MAGI1: variants seen among roughly 807,000 people sequenced by gnomAD.
MAGI1 encodes the protein membrane associated guanylate kinase, WW and PDZ domain containing 1, also known as membrane-associated guanylate kinase, WW and PDZ domain-containing protein 1.
A neutral mutation model predicts 139.9 loss-of-function variants in MAGI1; 58 were observed. That is an observed-to-expected ratio of 0.41 (90% CI 0.34 to 0.52). MAGI1 has a LOEUF of 0.52. MAGI1 is among the 20% of genes least tolerant of loss of function. MAGI1 has a pLI of 0.12. For missense variants in MAGI1, 1,874 were observed against 1,901.6 expected, an observed-to-expected ratio of 0.99 and a Z score of 0.27; for synonymous variants, 812 against 737.9, an observed-to-expected ratio of 1.10 and a Z score of -1.63.
chr3:65,920,664 A>C (rs1338061072), intron 1 of MAGI1, among the ~76,000 whole-genome samples: 4 of 152,240 alleles, frequency 2.6e-5, no homozygotes, highest in Admixed American at 6.5e-5. Flanking sequence ...TTTCAGAAGA[A>C]AATGAAAATT....
chr3:65,977,775 C>T (rs1402152428), intron 1 of MAGI1, among the ~76,000 whole-genome samples: 1 of 152,104 alleles, frequency 6.6e-6, no homozygotes, highest in African/African-American at 2.4e-5. Context: ...GCCCTACAGG[C>T]CTCCATCTCC....
intron 2 of MAGI1, among the ~76,000 whole-genome samples, chr3:65,494,517 G>A (rs1952280586): frequency 6.6e-6 from 1 of 152,128 alleles, no homozygotes; most frequent in Non-Finnish European, 1.5e-5. Flanking sequence ...TGTATTAGGA[G>A]CCTATGTTAA....
Position 65,429,934 on chromosome 3 carries a change from C to A in MAGI1, c.1753G>T (p.Gly585Trp). The A allele has an allele frequency of 2.5e-6, 4 of 1,613,998 alleles. No homozygotes were observed. The highest frequency in any genetic ancestry group is 3.4e-6 in the Non-Finnish European group (4 of 1,179,954). ...GCTGGTGAATCATAGGTCTCTTGCC[C>A]ATTCACAATAATTGGTTCTTTATCC... ...ILDKEPIIVN[G>W]QETYDSPASH... The change falls in exon 12 of 23, where the codon GGG (glycine) becomes TGG (tryptophan). Residue 585 changes from glycine to tryptophan, a missense_variant. Gly to Trp is a radical substitution (Grantham distance 184). This residue lies in a region of MAGI1 where 482 missense variants were observed against 509.6 expected (regional missense o/e 0.95). Coordinates refer to ENST00000402939, the MANE Select transcript of MAGI1 (RefSeq NM_001033057.2).
chr3:65,383,326 T>A lies in MAGI1; in HGVS notation c.2508+206A>T, dbSNP rs9883224. 4.8e-3 allele frequency among the ~76,000 whole-genome samples: 732 copies of A among 152,278 alleles called. 7 individuals are homozygous for A. The highest frequency in any genetic ancestry group is 0.017 in the African/African-American group (697 of 41,556). On this transcript the variant is annotated intron_variant, in intron 15 of 22. Coordinates refer to ENST00000402939, the MANE Select transcript of MAGI1 (RefSeq NM_001033057.2). ...AGCTCCCACCTTTCACAAACACTCA[T>A]ACAAACTTTTTAGAAAGAATCTAGT...
At chr3:65,470,695 A>C (rs1032026223) in intron 4 of MAGI1, among the ~76,000 whole-genome samples, 6 of 152,206 alleles carry the variant, frequency 3.9e-5, no homozygotes, top group Non-Finnish European at 8.8e-5. Flanking sequence ...ATGATCAATG[A>C]AATTTATTTT....
intron 1 of MAGI1, among the ~76,000 whole-genome samples, chr3:65,656,590 T>C: frequency 7.5e-6 from 1 of 132,946 alleles, no homozygotes; most frequent in African/African-American, 2.5e-5. Context: ...AGCAAACTTC[T>C]TACTCCGAGT....
chr3:65,581,787 T>C (rs553205341), intron 2 of MAGI1, among the ~76,000 whole-genome samples: 1 of 152,278 alleles, frequency 6.6e-6, no homozygotes, highest in African/African-American at 2.4e-5. Context: ...TTTTCAGATA[T>C]ACCATATAAC....
At chr3:65,824,286 C>G (rs1575615080) in intron 1 of MAGI1, among the ~76,000 whole-genome samples, 1 of 152,154 alleles carries the variant, frequency 6.6e-6, no homozygotes, top group Non-Finnish European at 1.5e-5. Flanking sequence ...TAAATAATGG[C>G]CAGAGCTGCA....
intron 1 of MAGI1, among the ~76,000 whole-genome samples, chr3:65,689,166 C>T (rs550087861): frequency 1.3e-5 from 2 of 152,342 alleles, no homozygotes; most frequent in South Asian, 4.1e-4. Flanking sequence ...AAAACAAAAG[C>T]TCTAGGAGCA....
At chr3:65,811,964 G>GAC (rs2041269871) in intron 1 of MAGI1, among the ~76,000 whole-genome samples, 1 of 151,778 alleles carries the variant, frequency 6.6e-6, no homozygotes, top group African/African-American at 2.4e-5. Flanking sequence ...GTGTGTGAGA[G>GAC]AGAGAGCGTG....
In MAGI1 at chr3:65,437,245, A is replaced by G; in HGVS notation, c.1273T>C (p.Trp425Arg). ...QQQQQQQTEE[W>R]TEDHSALVPP... ...ACAAGGGCTGAGTGATCTTCTGTCCATTCTATGAAAAAGAAAAGAAAGTTT... is the reference window on the plus strand; with the variant it reads ...ACAAGGGCTGAGTGATCTTCTGTCCGTTCTATGAAAAAGAAAAGAAAGTTT... The change falls in exon 10 of 23, where the codon TGG becomes CGG. Residue 425 changes from tryptophan (W) to arginine (R), a missense_variant and splice_region_variant. By Grantham distance (101) the Trp-to-Arg change is moderately radical. This residue lies in a region of MAGI1 where 648 missense variants were observed against 598.1 expected (regional missense o/e 1.08). Coordinates refer to ENST00000402939, the MANE Select transcript of MAGI1 (RefSeq NM_001033057.2). 6.3e-7 allele frequency: 1 copy of G among 1,598,484 alleles called. No individual in the cohort carries two copies. Among genetic ancestry groups the G allele is most frequent in the Non-Finnish European group, 8.6e-7 (1 of 1,168,394 alleles).
chr3:65,704,058 T>C (rs2089794856), intron 1 of MAGI1, among the ~76,000 whole-genome samples: 1 of 152,094 alleles, frequency 6.6e-6, no homozygotes, highest in Non-Finnish European at 1.5e-5. Context: ...AAGTATCTCC[T>C]AGCACAGGGG....
intron 1 of MAGI1, among the ~76,000 whole-genome samples, chr3:65,893,286 T>C (rs1238230610): frequency 6.6e-6 from 1 of 151,342 alleles, no homozygotes; most frequent in Non-Finnish European, 1.5e-5. Flanking sequence ...GAAAAAAAAA[T>C]GTGAAATAAA....
intron 1 of MAGI1, chr3:65,874,197 G>T (rs2060032722): frequency 6.6e-6 from 1 of 152,178 alleles, no homozygotes; most frequent in Non-Finnish European, 1.5e-5. Flanking sequence ...GGGGTGGGAA[G>T]ATCATTTGGA....
At chr3:65,392,639 CT>C (rs1181395749) in intron 13 of MAGI1, among the ~76,000 whole-genome samples, 1 of 152,194 alleles carries the variant, frequency 6.6e-6, no homozygotes, top group Non-Finnish European at 1.5e-5. Context: ...TATCCTTCAT[CT>C]TTCATTCCCC....
intron 2 of MAGI1, among the ~76,000 whole-genome samples, chr3:65,616,610 A>G (rs925142306): frequency 9.2e-5 from 14 of 152,222 alleles, no homozygotes; most frequent in Admixed American, 6.5e-5. Flanking sequence ...TAAAGGCTAA[A>G]GCAATCCTTT....
At chr3:65,487,443 G>C (rs894215192) in intron 3 of MAGI1, among the ~76,000 whole-genome samples, 2 of 152,144 alleles carry the variant, frequency 1.3e-5, no homozygotes, top group African/African-American at 4.8e-5. Context: ...TTCAGGCAAA[G>C]GGAAATAAAA....
At chr3:65,486,223 T>G (rs1230807818) in intron 3 of MAGI1, among the ~76,000 whole-genome samples, 1 of 152,220 alleles carries the variant, frequency 6.6e-6, no homozygotes, top group African/African-American at 2.4e-5. Flanking sequence ...ATCCTCTTCC[T>G]AATTAACATG....
At chr3:65,759,590 G>C (rs1255134888) in intron 1 of MAGI1, among the ~76,000 whole-genome samples, 1 of 152,148 alleles carries the variant, frequency 6.6e-6, no homozygotes, top group East Asian at 1.9e-4. Context: ...GTGGGTGGGG[G>C]GTAGAAGAGG....
Sources: allele counts gnomAD v4.1 joint callset (sites outside exome capture counted in the v4.1 genomes callset), GRCh38; gene constraint gnomAD v4.1.1; regional missense constraint gnomAD v4.1.1; transcripts MANE v1.5; gene names NCBI Gene and HGNC (gene_info 2026-07-23, HGNC 2026-07-21).